NALCN: variants seen among roughly 807,000 people sequenced by gnomAD.
NALCN encodes the protein sodium leak channel NALCN.
In NALCN, 111 loss-of-function variants were observed where a neutral mutation model predicts 225.3. That is an observed-to-expected ratio of 0.49 (90% CI 0.42 to 0.58). The LOEUF is 0.58. Ranked by LOEUF, NALCN falls within the 20% of genes least tolerant of loss-of-function variation. The pLI is 0.00. For missense variants in NALCN, 1,378 were observed against 2,202.4 expected (o/e 0.63, Z 7.49); for synonymous variants, 764 against 769.0 (o/e 0.99, Z 0.11).
chr13:101,287,745 G>T (rs1335292152), intron 9 of NALCN, among the ~76,000 whole-genome samples: 1 of 152,168 alleles, frequency 6.6e-6, no homozygotes, highest in Non-Finnish European at 1.5e-5. Flanking sequence ...TCTCAGGCCT[G>T]TCCATTTGCA....
rs115710027 is a variant in NALCN, at chr13:101,199,861, A to T, written c.1627-7807T>A. ...GGTGAAAACACAGAGAAAAGCAGTG[A>T]ACAAGCATCTTTCAGTCACCAAAAG... On this transcript the variant is annotated intron_variant, in intron 13 of 43. Coordinates refer to ENST00000251127, the MANE Select transcript of NALCN (RefSeq NM_052867.4). Among the ~76,000 whole-genome samples, 557 of 152,294 alleles carry T rather than the reference A, an allele frequency of 3.7e-3. 6 individuals carry two copies. The highest frequency in any genetic ancestry group is 0.017 in the Middle Eastern group (5 of 294).
chr13:101,058,335 G>C (rs938858594), intron 42 of NALCN: 3 of 294,682 alleles, frequency 1.0e-5, no homozygotes, highest in Non-Finnish European at 1.9e-5. Flanking sequence ...GAATGTCATT[G>C]TTTCCCTTCA....
At chr13:101,309,891 C>T (rs1230279997) in intron 7 of NALCN, among the ~76,000 whole-genome samples, 1 of 152,200 alleles carries the variant, frequency 6.6e-6, no homozygotes, top group East Asian at 1.9e-4. Context: ...TGGAACTTAA[C>T]ATGTAATGAA....
At chr13:101,231,156 A>G (rs1294278463) in intron 12 of NALCN, among the ~76,000 whole-genome samples, 3 of 152,142 alleles carry the variant, frequency 2.0e-5, no homozygotes, top group Admixed American at 2.0e-4. Context: ...TGCATTTCTC[A>G]AAATGTATCT....
At chr13:101,224,791 C>T (rs1044219658) in intron 13 of NALCN, among the ~76,000 whole-genome samples, 6 of 152,106 alleles carry the variant, frequency 3.9e-5, no homozygotes, top group Non-Finnish European at 8.8e-5. Flanking sequence ...CAAGACCCTC[C>T]CATTGAAGGG....
At chr13:101,229,048 AAT>A (rs1220428284) in intron 13 of NALCN, among the ~76,000 whole-genome samples, 2 of 152,216 alleles carry the variant, frequency 1.3e-5, no homozygotes, top group African/African-American at 2.4e-5. Context: ...AAACATTAAA[AAT>A]ATGTTAACTC....
intron 43 of NALCN, chr13:101,057,642 CAGAA>C: frequency 2.5e-6 from 1 of 395,868 alleles, no homozygotes; most frequent in South Asian, 2.4e-5. Context: ...TTGAGGCACA[CAGAA>C]AGCCCTTGGA....
At chr13:101,151,678 A>G (rs933563199) in intron 15 of NALCN, among the ~76,000 whole-genome samples, 7 of 152,208 alleles carry the variant, frequency 4.6e-5, no homozygotes, top group African/African-American at 1.7e-4. Context: ...TATATATATG[A>G]CATAGCAATT....
chr13:101,292,464 C>T lies in NALCN; in HGVS notation c.800-98G>A. 7.8e-7 allele frequency: 1 copy of T among 1,275,826 alleles called. No homozygotes were observed. The highest frequency in any genetic ancestry group is 1.1e-6 in the Non-Finnish European group (1 of 942,528). 79.0% of individuals were successfully genotyped at this position (1,275,826 alleles called of 1,614,324 possible). ...ATCAATATTTATCCATACTTATTTT[C>T]TCAATGACAAAAGTGCTTCAAAAAT... On this transcript the variant is annotated intron_variant, in intron 7 of 43. Transcript: ENST00000251127. This position sits in a 1 kb window ranked among gnomAD's most constrained non-coding sequence, Gnocchi z 4.3.
At chr13:101,133,493 G>A (rs2036614428) in intron 17 of NALCN, among the ~76,000 whole-genome samples, 1 of 152,052 alleles carries the variant, frequency 6.6e-6, no homozygotes, top group Admixed American at 6.5e-5. Context: ...TTATTGTAAC[G>A]AGCCACTTTA....
At chr13:101,404,945 T>C (rs73566029) in intron 1 of NALCN, among the ~76,000 whole-genome samples, 2,823 of 152,334 alleles carry the variant, frequency 0.019, 83 homozygotes, top group East Asian at 0.11. Flanking sequence ...GTTAAATTTG[T>C]ATCTGAGAAA....
At position 101,142,772 on chromosome 13, in the gene NALCN, G is replaced by A. The variant is rs1038621597; in HGVS notation, c.2118+308C>T. 1.6e-5 allele frequency: 6 copies of A among 374,310 alleles called. No individual in the cohort carries two copies. In the Admixed American group the frequency reaches 2.3e-4, roughly 14 times the overall value. The allele number at this position is 374,310 out of a possible 1,614,324, so 23.2% of individuals were successfully genotyped here. On this transcript the variant is annotated intron_variant, in intron 17 of 43. Transcript: ENST00000251127. ...AGGAGATGGCAGGTCATTACACCTG[G>A]ACTGAGCCTTGGAGATCCCAGCCCT...
intron 13 of NALCN, among the ~76,000 whole-genome samples, chr13:101,219,176 T>C (rs1165362564): frequency 6.6e-6 from 1 of 152,204 alleles, no homozygotes; most frequent in Non-Finnish European, 1.5e-5. Flanking sequence ...AGTCCTGACT[T>C]CCTGAAAGCT....
At chr13:101,351,793 T>C (rs929518294) in intron 6 of NALCN, among the ~76,000 whole-genome samples, 2 of 152,218 alleles carry the variant, frequency 1.3e-5, no homozygotes, top group Non-Finnish European at 2.9e-5. Flanking sequence ...CAACATATGC[T>C]TCACTGTGCA....
intron 12 of NALCN, among the ~76,000 whole-genome samples, chr13:101,236,724 T>G (rs1298481777): frequency 1.6e-5 from 2 of 125,256 alleles, no homozygotes; most frequent in Non-Finnish European, 3.1e-5. Context: ...TGAGAACACA[T>G]GGACACAGGA....
chr13:101,259,970 T>C (rs2042370494), intron 10 of NALCN, among the ~76,000 whole-genome samples: 1 of 133,736 alleles, frequency 7.5e-6, no homozygotes, highest in Non-Finnish European at 1.7e-5. Flanking sequence ...AGGTCTTATC[T>C]ATTCTTTCTA....
intron 7 of NALCN, among the ~76,000 whole-genome samples, chr13:101,305,636 T>A (rs1337325689): frequency 6.6e-6 from 1 of 152,246 alleles, no homozygotes; most frequent in Non-Finnish European, 1.5e-5. Flanking sequence ...ACCTCTTGTC[T>A]CCTTTTATCT....
At chr13:101,232,841 C>T (rs12583089) in intron 12 of NALCN, among the ~76,000 whole-genome samples, 2 of 151,860 alleles carry the variant, frequency 1.3e-5, no homozygotes, top group Non-Finnish European at 2.9e-5. Flanking sequence ...ATCATAAGAA[C>T]TATTAAAGTA....
At chr13:101,155,037 C>T (rs2037838159) in intron 15 of NALCN, among the ~76,000 whole-genome samples, 1 of 152,116 alleles carries the variant, frequency 6.6e-6, no homozygotes, top group African/African-American at 2.4e-5. Flanking sequence ...TATCTTTGAA[C>T]AAGGCAACAC....
Sources: allele counts gnomAD v4.1 joint callset (sites outside exome capture counted in the v4.1 genomes callset), GRCh38; gene constraint gnomAD v4.1.1; non-coding constraint Gnocchi (gnomAD v3.1); transcripts MANE v1.5; gene names NCBI Gene and HGNC (gene_info 2026-07-23, HGNC 2026-07-21).